Variants in ELL observed in about 807,000 individuals in gnomAD.
ELL encodes the protein RNA polymerase II elongation factor ELL.
In ELL, 18 loss-of-function variants were observed where a neutral mutation model predicts 64.0. The ratio of observed to expected loss-of-function variants is 0.28; its 90% CI spans 0.19 to 0.42. ELL has a LOEUF of 0.42. Among genes scored for constraint, ELL ranks in the 10% least tolerant of loss-of-function variants. The probability of loss-of-function intolerance (pLI) is 1.00; values close to 1 mark genes in which losing one functional copy is unlikely to be tolerated. For missense variants in ELL, 797 were observed against 870.4 expected, an observed-to-expected ratio of 0.92 and a Z score of 1.06; for synonymous variants, 399 against 376.2, an observed-to-expected ratio of 1.06 and a Z score of -0.70.
chr19:18,512,408 C>T (rs1355583485), intron 1 of ELL, among the ~76,000 whole-genome samples: 3 of 152,138 alleles, frequency 2.0e-5, no homozygotes, highest in Admixed American at 6.6e-5. Flanking sequence ...GAGGCCAAGG[C>T]GGGCAGGTCG....
chr19:18,489,062 C>G (rs1368293436), intron 1 of ELL, among the ~76,000 whole-genome samples: 1 of 152,194 alleles, frequency 6.6e-6, no homozygotes, highest in Non-Finnish European at 1.5e-5. Flanking sequence ...GAGCTGGAGT[C>G]TGAAATCTCA....
intron 1 of ELL, among the ~76,000 whole-genome samples, chr19:18,504,043 G>A (rs1401386346): frequency 1.3e-5 from 2 of 152,258 alleles, no homozygotes; most frequent in Admixed American, 6.5e-5. Context: ...TCGGCATCCA[G>A]GGAGGCCTCG....
chr19:18,450,321 T>C (rs1208114026), intron 8 of ELL, among the ~76,000 whole-genome samples, 156 bp downstream of exon 8: 1 of 152,210 alleles, frequency 6.6e-6, no homozygotes, highest in Non-Finnish European at 1.5e-5. Flanking sequence ...GGGTGCCAGG[T>C]GCCAGGCACA....
At chr19:18,512,150 G>T (rs574887609) in intron 1 of ELL, among the ~76,000 whole-genome samples, 1 of 137,002 alleles carries the variant, frequency 7.3e-6, no homozygotes, top group East Asian at 2.0e-4. Context: ...GTAAGACTCC[G>T]TCTCAAAAAA....
Position 18,522,020 on chromosome 19 carries a change from C to T in ELL, c.36G>A (p.Leu12=). 1 of 1,610,988 alleles carries T rather than the reference C, an allele frequency of 6.2e-7. No individual in the cohort carries two copies. The highest frequency in any genetic ancestry group is 8.5e-7 in the Non-Finnish European group (1 of 1,178,624). The change falls in exon 1 of 12, where the codon CTG becomes CTA. Residue 12 remains leucine (L), a synonymous_variant. Transcript: ENST00000262809. ...AALKEDRSYG[L]SCGRVSDGSK... Reference sequence around the variant, plus strand: ...TGCCGTCGCTAACCCGCCCGCACGACAGCCCGTAGCTCCTATCCTCCTTCA... The same window carrying T: ...TGCCGTCGCTAACCCGCCCGCACGATAGCCCGTAGCTCCTATCCTCCTTCA...
At chr19:18,507,426 T>C (rs1381444771) in intron 1 of ELL, among the ~76,000 whole-genome samples, 1 of 152,248 alleles carries the variant, frequency 6.6e-6, no homozygotes, top group Non-Finnish European at 1.5e-5. Flanking sequence ...AAGCCACTGG[T>C]ATCTAACAAA....
At chr19:18,463,028 C>G (rs1974859588) in intron 4 of ELL, among the ~76,000 whole-genome samples, 1 of 152,186 alleles carries the variant, frequency 6.6e-6, no homozygotes, top group Non-Finnish European at 1.5e-5. Context: ...CAATGATGCC[C>G]CGGCATCCTT....
chr19:18,504,281 C>T (rs928458210), intron 1 of ELL, among the ~76,000 whole-genome samples: 1 of 152,204 alleles, frequency 6.6e-6, no homozygotes, highest in African/African-American at 2.4e-5. Context: ...CTCACTGACG[C>T]ACAGAGGCCA....
chr19:18,483,143 C>G (rs1183316316), intron 1 of ELL, among the ~76,000 whole-genome samples: 2 of 152,098 alleles, frequency 1.3e-5, no homozygotes, highest in Non-Finnish European at 2.9e-5. Context: ...ACCAACTCCC[C>G]TCTCCCCTCC....
chr19:18,488,234 G>A (rs78474268), intron 1 of ELL, among the ~76,000 whole-genome samples: 3 of 152,284 alleles, frequency 2.0e-5, no homozygotes, highest in East Asian at 1.9e-4. Flanking sequence ...ACCAAGATCC[G>A]CCAACTGACT....
chr19:18,474,196 G>A (rs1482556836), intron 1 of ELL, among the ~76,000 whole-genome samples: 3 of 152,252 alleles, frequency 2.0e-5, no homozygotes, highest in African/African-American at 7.2e-5. Context: ...GGAGCTGCTA[G>A]GAGCAGCGGA....
intron 2 of ELL, among the ~76,000 whole-genome samples, chr19:18,470,491 A>G (rs1248731720): frequency 6.6e-6 from 1 of 152,184 alleles, no homozygotes; most frequent in South Asian, 2.1e-4. Flanking sequence ...CCAACCTCTG[A>G]CCCCTGAGAG....
intron 6 of ELL, among the ~76,000 whole-genome samples, chr19:18,452,074 G>C (rs1974551457): frequency 6.6e-6 from 1 of 152,198 alleles, no homozygotes; most frequent in South Asian, 2.1e-4. Context: ...AGGATCTGGA[G>C]GGCGGCAGAG....
chr19:18,465,637 G>A, intron 3 of ELL, 62 bp from the exon 4 acceptor site: 2 of 1,494,268 alleles, frequency 1.3e-6, no homozygotes, highest in South Asian at 1.3e-5. Context: ...GATCCGTTGA[G>A]GGCCCAAGCC....
intron 1 of ELL, among the ~76,000 whole-genome samples, chr19:18,507,376 T>G (rs950078987): frequency 3.9e-5 from 6 of 152,240 alleles, no homozygotes; most frequent in Non-Finnish European, 7.3e-5. Flanking sequence ...CACAGCCCCT[T>G]GGCAGAGAAC....
At chr19:18,491,342 G>A (rs942704468) in intron 1 of ELL, among the ~76,000 whole-genome samples, 5 of 137,678 alleles carry the variant, frequency 3.6e-5, no homozygotes, top group African/African-American at 1.3e-4. Context: ...TGAACTCCTG[G>A]GCTTTAGCAA....
At chr19:18,445,980 T>C (rs1382392456) in intron 10 of ELL, among the ~76,000 whole-genome samples, 2 of 152,040 alleles carry the variant, frequency 1.3e-5, no homozygotes, top group African/African-American at 4.8e-5. Context: ...CCAAGAGCCC[T>C]GTGTCCTAGG....
chr19:18,452,358 C>T (rs1226676269), intron 6 of ELL, among the ~76,000 whole-genome samples: 1 of 152,244 alleles, frequency 6.6e-6, no homozygotes, highest in East Asian at 1.9e-4. Flanking sequence ...GAGCCCATCT[C>T]CCTAACAAAT....
chr19:18,450,608 C>A lies in ELL; in HGVS notation c.1334G>T (p.Arg445Leu). 1 of 1,611,412 alleles carries A rather than the reference C, an allele frequency of 6.2e-7. No individual in the cohort carries two copies. ...CTTGGACTTCTTCTTGGGCTTGCTG[C>A]GCGAGGGGCTGCCGTGTGGCCTGCT... ...QPSRPHGSPS[R>L]SKPKKKSKKH... The change falls in exon 8 of 12, where the codon CGC (arginine) becomes CTC (leucine). Residue 445 changes from arginine (R) to leucine (L), a missense_variant. Transcript: ENST00000262809.
Sources: allele counts gnomAD v4.1 joint callset (sites outside exome capture counted in the v4.1 genomes callset), GRCh38; gene constraint gnomAD v4.1.1; transcripts MANE v1.5; gene names NCBI Gene and HGNC (gene_info 2026-07-23, HGNC 2026-07-21).